Variants in BCL7A observed in about 807,000 individuals in gnomAD.
BCL7A encodes the protein BAF chromatin remodeling complex subunit BCL7A.
A neutral mutation model predicts 28.4 loss-of-function variants in BCL7A; 11 were observed. The observed-to-expected ratio is 0.39, with a 90% CI of 0.24 to 0.64. The LOEUF (loss-of-function observed/expected upper bound fraction) is 0.64, where lower values mean the gene tolerates loss of function less well. Among genes scored for constraint, BCL7A ranks in the 30% least tolerant of loss-of-function variants. The pLI is 0.50. For synonymous variants in BCL7A, 123 were observed against 103.3 expected, an observed-to-expected ratio of 1.19 and a Z score of -1.15; for missense variants, 222 against 274.8, an observed-to-expected ratio of 0.81 and a Z score of 1.36.
intron 1 of BCL7A, among the ~76,000 whole-genome samples, chr12:122,025,205 G>A (rs536739602): frequency 4.6e-5 from 7 of 152,170 alleles, no homozygotes; most frequent in Admixed American, 6.5e-5. Flanking sequence ...GGGCTGCAGC[G>A]TAAGCTTGGA....
intron 1 of BCL7A, among the ~76,000 whole-genome samples, chr12:122,023,513 A>G (rs1883526076): frequency 6.6e-6 from 1 of 152,184 alleles, no homozygotes; most frequent in Admixed American, 6.5e-5. Context: ...AAAAGGCAAG[A>G]GGAAAATCAA....
chr12:122,045,434 T>C (rs1010517315), intron 4 of BCL7A, among the ~76,000 whole-genome samples: 1 of 151,942 alleles, frequency 6.6e-6, no homozygotes, highest in African/African-American at 2.4e-5. Flanking sequence ...AGGCAGCGCC[T>C]CAGGTGTGGG....
intron 4 of BCL7A, among the ~76,000 whole-genome samples, chr12:122,054,299 G>C (rs1884261666): frequency 6.6e-6 from 1 of 152,184 alleles, no homozygotes; most frequent in South Asian, 2.1e-4. Flanking sequence ...GTGTTAGCCA[G>C]GATGGTCTCG....
intron 3 of BCL7A, among the ~76,000 whole-genome samples, chr12:122,038,601 C>T (rs1357626233): frequency 6.6e-6 from 1 of 152,066 alleles, no homozygotes; most frequent in Non-Finnish European, 1.5e-5. Context: ...TCCTTAGCAT[C>T]CCCTTTCCCT....
intron 1 of BCL7A, among the ~76,000 whole-genome samples, chr12:122,024,074 C>T (rs986113857): frequency 6.6e-6 from 1 of 152,100 alleles, no homozygotes; most frequent in Non-Finnish European, 1.5e-5. Context: ...TCCCACCCCG[C>T]GGGCCCCGGG....
At chr12:122,047,151 C>T (rs999848056) in intron 4 of BCL7A, among the ~76,000 whole-genome samples, 1 of 151,944 alleles carries the variant, frequency 6.6e-6, no homozygotes, top group Non-Finnish European at 1.5e-5. Flanking sequence ...ATCCACCCAC[C>T]TCGGCCTCCT....
In BCL7A at chr12:122,059,298, C is replaced by A; in HGVS notation, c.*135C>A. ...GTTTCAAGTTTACCAAGTGCAAATC[C>A]AAGAAGACCCAGAACGGCGTCACTT... On this transcript the variant is annotated 3_prime_UTR_variant, in exon 6 of 6. Coordinates refer to ENST00000261822, the MANE Select transcript of BCL7A (RefSeq NM_001024808.3). The surrounding 1 kb of genome is among the most constrained non-coding windows in gnomAD (Gnocchi z 4.0). 1 of 769,410 alleles carries A rather than the reference C, an allele frequency of 1.3e-6. No homozygotes were observed. The highest frequency in any genetic ancestry group is 2.1e-6 in the Non-Finnish European group (1 of 475,314). 47.7% of individuals were successfully genotyped at this position (769,410 alleles called of 1,614,324 possible).
intron 1 of BCL7A, among the ~76,000 whole-genome samples, chr12:122,024,140 T>C (rs1181160510): frequency 6.6e-6 from 1 of 152,194 alleles, no homozygotes; most frequent in Non-Finnish European, 1.5e-5. Flanking sequence ...AGGCCTGTAG[T>C]TGGAGCTTGA....
At chr12:122,024,830 A>T (rs985431613) in intron 1 of BCL7A, among the ~76,000 whole-genome samples, 1 of 152,090 alleles carries the variant, frequency 6.6e-6, no homozygotes. Flanking sequence ...TTAACAGGGC[A>T]CCCTGTATTT....
intron 3 of BCL7A, among the ~76,000 whole-genome samples, chr12:122,040,962 C>T (rs1883954207): frequency 6.6e-6 from 1 of 152,102 alleles, no homozygotes; most frequent in Non-Finnish European, 1.5e-5. Context: ...TGCGCGTGTG[C>T]TTGCCATAGG....
In BCL7A at chr12:122,050,140, C is replaced by T. The variant is rs191524102; in HGVS notation, c.440-4665C>T. ...TACAGGCGTGCATTTGCCATCACAC[C>T]TGGTTCATTTTTGTATTTTTAGCAG... On this transcript the variant is annotated intron_variant, in intron 4 of 5. Transcript: ENST00000261822. 3.9e-5 allele frequency among the ~76,000 whole-genome samples: 6 copies of T among 152,260 alleles called. No individual in the cohort carries two copies. In the East Asian group the frequency reaches 9.6e-4, roughly 24 times the overall value.
chr12:122,025,362 A>G (rs2135837654), intron 1 of BCL7A, among the ~76,000 whole-genome samples: 2 of 152,222 alleles, frequency 1.3e-5, no homozygotes, highest in South Asian at 2.1e-4. Flanking sequence ...GCGGTGGCTC[A>G]CGCCTGTAAT....
intron 1 of BCL7A, among the ~76,000 whole-genome samples, chr12:122,023,737 G>C (rs540296287): frequency 6.6e-6 from 1 of 152,278 alleles, no homozygotes; most frequent in African/African-American, 2.4e-5. Flanking sequence ...TTTAAAAATG[G>C]CAGAAACAGC....
At chr12:122,049,174 C>G (rs1884141344) in intron 4 of BCL7A, among the ~76,000 whole-genome samples, 1 of 143,442 alleles carries the variant, frequency 7.0e-6, no homozygotes, top group South Asian at 2.2e-4. Context: ...TTGCAGTGAG[C>G]ATGGTCCTCC....
At chr12:122,034,226 TA>T in intron 2 of BCL7A, among the ~76,000 whole-genome samples, 1 of 119,314 alleles carries the variant, frequency 8.4e-6, no homozygotes, top group African/African-American at 3.6e-5. Flanking sequence ...TATATATATA[TA>T]TATATATATA....
intron 3 of BCL7A, among the ~76,000 whole-genome samples, chr12:122,041,592 C>T (rs1161628603): frequency 3.0e-5 from 4 of 133,578 alleles, no homozygotes; most frequent in Admixed American, 7.3e-5. Context: ...AGTGAGACCC[C>T]ATCTCTACAA....
intron 3 of BCL7A, among the ~76,000 whole-genome samples, chr12:122,042,649 C>CA (rs55633660): frequency 0.012 from 1,423 of 117,352 alleles, 24 homozygotes; most frequent in East Asian, 0.066. Flanking sequence ...GACTCCATCT[C>CA]AAAAAAAAAA....
intron 1 of BCL7A, among the ~76,000 whole-genome samples, chr12:122,022,408 C>T (rs900647485): frequency 5.6e-5 from 8 of 143,774 alleles, no homozygotes; most frequent in African/African-American, 1.5e-4. Context: ...GCGCCTGTAG[C>T]CCACCTGGCG....
chr12:122,054,777 A>C, intron 4 of BCL7A, 28 bp from the exon 5 acceptor site: 1 of 1,605,718 alleles, frequency 6.2e-7, no homozygotes, highest in African/African-American at 1.3e-5. Context: ...GTCTGAAAAC[A>C]GCTCCTGTCG....
Sources: allele counts gnomAD v4.1 joint callset (sites outside exome capture counted in the v4.1 genomes callset), GRCh38; gene constraint gnomAD v4.1.1; non-coding constraint Gnocchi (gnomAD v3.1); transcripts MANE v1.5; gene names NCBI Gene and HGNC (gene_info 2026-07-23, HGNC 2026-07-21).